Variants in PPP2R5E observed in about 807,000 individuals in gnomAD.
The protein encoded by PPP2R5E is serine/threonine-protein phosphatase 2A 56 kDa regulatory subunit epsilon isoform.
In PPP2R5E, 4 loss-of-function variants were observed where a neutral mutation model predicts 65.3. The ratio of observed to expected loss-of-function variants is 0.06; its 90% CI spans 0.03 to 0.14. The LOEUF (loss-of-function observed/expected upper bound fraction) is 0.14. Ranked by LOEUF, PPP2R5E falls within the 10% of genes least tolerant of loss-of-function variation. The probability of loss-of-function intolerance (pLI) is 1.00; values close to 1 mark genes in which losing one functional copy is unlikely to be tolerated. For missense variants in PPP2R5E, 274 were observed against 556.1 expected (o/e 0.49, Z 5.10); for synonymous variants, 183 against 187.4 (o/e 0.98, Z 0.19).
chr14:63,542,564 G>C (rs191478332), intron 1 of PPP2R5E, among the ~76,000 whole-genome samples: 4 of 152,296 alleles, frequency 2.6e-5, no homozygotes, highest in Non-Finnish European at 5.9e-5. Context: ...GGAGAAAAAG[G>C]GGGGAGGGGG....
intron 1 of PPP2R5E, among the ~76,000 whole-genome samples, chr14:63,540,615 C>G (rs557380524): frequency 6.7e-6 from 1 of 149,016 alleles, no homozygotes; most frequent in Non-Finnish European, 1.5e-5. Flanking sequence ...CCCAGCTACT[C>G]GGGAGGCTGA....
At chr14:63,448,928 T>G (rs1489158963) in intron 3 of PPP2R5E, among the ~76,000 whole-genome samples, 2 of 152,208 alleles carry the variant, frequency 1.3e-5, no homozygotes, top group Non-Finnish European at 2.9e-5. Flanking sequence ...AGACTTCATT[T>G]AATTGTTAAA....
intron 13 of PPP2R5E, among the ~76,000 whole-genome samples, chr14:63,381,660 T>C (rs1458272097): frequency 6.6e-6 from 1 of 152,178 alleles, no homozygotes; most frequent in Non-Finnish European, 1.5e-5. Context: ...AATAACAACA[T>C]TTCGGTCAAC....
intron 2 of PPP2R5E, among the ~76,000 whole-genome samples, chr14:63,488,266 T>C (rs1403392622): frequency 6.6e-6 from 1 of 151,998 alleles, no homozygotes; most frequent in East Asian, 1.9e-4. Flanking sequence ...GGCACAATCA[T>C]TGCTCACTGC....
At chr14:63,467,022 C>A (rs1343855123) in intron 2 of PPP2R5E, among the ~76,000 whole-genome samples, 5 of 151,932 alleles carry the variant, frequency 3.3e-5, no homozygotes, top group Non-Finnish European at 5.9e-5. Flanking sequence ...GTCAGGAGAT[C>A]GAGACCATCC....
At chr14:63,440,103 G>C (rs1320484681) in intron 3 of PPP2R5E, among the ~76,000 whole-genome samples, 1 of 152,162 alleles carries the variant, frequency 6.6e-6, no homozygotes, top group East Asian at 1.9e-4. Flanking sequence ...ACGGGCAGAG[G>C]AGCCTGATTT....
chr14:63,415,701 C>T (rs1886649689), intron 4 of PPP2R5E, among the ~76,000 whole-genome samples: 1 of 152,128 alleles, frequency 6.6e-6, no homozygotes, highest in Non-Finnish European at 1.5e-5. Context: ...AATATCTCAA[C>T]TATCATTCTT....
At chr14:63,399,556 T>C (rs1007927087) in intron 5 of PPP2R5E, among the ~76,000 whole-genome samples, 16 of 151,912 alleles carry the variant, frequency 1.1e-4, no homozygotes. Context: ...AATGATACTG[T>C]GGTGATGGTT....
chr14:63,396,101 GGCA>G, intron 6 of PPP2R5E, among the ~76,000 whole-genome samples: 1 of 47,258 alleles, frequency 2.1e-5, no homozygotes, highest in Non-Finnish European at 4.5e-5. Flanking sequence ...AGGGGGAGGG[GGCA>G]GGAGAGGAGG....
At chr14:63,381,533 C>T (rs926010027) in intron 13 of PPP2R5E, among the ~76,000 whole-genome samples, 13 of 27,042 alleles carry the variant, frequency 4.8e-4, no homozygotes, top group Non-Finnish European at 7.0e-4. Flanking sequence ...GGAAAGAAAG[C>T]GGGCTTTATC....
chr14:63,463,927 T>A (rs1435890379), intron 2 of PPP2R5E, among the ~76,000 whole-genome samples: 1 of 152,204 alleles, frequency 6.6e-6, no homozygotes, highest in African/African-American at 2.4e-5. Context: ...CAGAATGGTT[T>A]ATATTCAAGG....
chr14:63,425,896 AAAG>A (rs1360827309), intron 3 of PPP2R5E, among the ~76,000 whole-genome samples: 1 of 152,238 alleles, frequency 6.6e-6, no homozygotes, highest in Non-Finnish European at 1.5e-5. Flanking sequence ...AGTTACAGCA[AAAG>A]AAGGCCAAGT....
intron 2 of PPP2R5E, among the ~76,000 whole-genome samples, chr14:63,510,041 T>A (rs1429204149): frequency 6.6e-6 from 1 of 152,212 alleles, no homozygotes; most frequent in Non-Finnish European, 1.5e-5. Flanking sequence ...ATGTAAACCA[T>A]AAGCATACAA....
chr14:63,458,040 G>C (rs1186813225), intron 2 of PPP2R5E, among the ~76,000 whole-genome samples: 1 of 152,140 alleles, frequency 6.6e-6, no homozygotes, highest in Non-Finnish European at 1.5e-5. Context: ...ATAAGCAGGG[G>C]AAAATGACTA....
rs1201176841 is a variant in PPP2R5E at position 63,479,858 on chromosome 14, T to A, written c.158-25973A>T. ...ATCAAGATGGTCAAATATTGGAAAT[T>A]TCATCTGGTTCAACCTAAAAGAATG... On this transcript the variant is annotated intron_variant, in intron 2 of 13. Transcript: ENST00000337537. 2.0e-5 allele frequency among the ~76,000 whole-genome samples: 3 copies of A among 152,152 alleles called. No individual in the cohort carries two copies. The East Asian group carries it at 5.8e-4, about 29-fold the overall frequency.
At chr14:63,401,756 T>C (rs969941337) in intron 5 of PPP2R5E, among the ~76,000 whole-genome samples, 1 of 152,126 alleles carries the variant, frequency 6.6e-6, no homozygotes, top group Non-Finnish European at 1.5e-5. Flanking sequence ...TTCTCAAAGA[T>C]GGAAGTGGAT....
chr14:63,374,079 T>TA lies in PPP2R5E; in HGVS notation c.*1929dup, dbSNP rs1211236683. On this transcript the variant is annotated 3_prime_UTR_variant, in exon 14 of 14. Transcript: ENST00000337537. ...GGTGTTGCATATGACTTTTTTTTTT[T>TA]ACTGCTTTTTTTTTTCTTTTTGGAA... 2.6e-5 allele frequency: 4 copies of TA among 151,206 alleles called. No homozygotes were observed. Among genetic ancestry groups the TA allele is most frequent in the African/African-American group, 7.3e-5 (3 of 41,186 alleles). The allele number at this position is 151,206 out of a possible 1,614,324, so 9.4% of individuals were successfully genotyped here.
intron 2 of PPP2R5E, among the ~76,000 whole-genome samples, chr14:63,454,674 C>T (rs1889023764): frequency 6.6e-6 from 1 of 152,108 alleles, no homozygotes; most frequent in South Asian, 2.1e-4. Flanking sequence ...GTTGAAATTC[C>T]TCAGCTAGAA....
chr14:63,500,646 G>T (rs949791954), intron 2 of PPP2R5E, among the ~76,000 whole-genome samples: 1 of 152,142 alleles, frequency 6.6e-6, no homozygotes, highest in Non-Finnish European at 1.5e-5. Context: ...TTGAGGCCAA[G>T]AGTTTGAGAC....
Sources: allele counts gnomAD v4.1 joint callset (sites outside exome capture counted in the v4.1 genomes callset), GRCh38; gene constraint gnomAD v4.1.1; transcripts MANE v1.5; gene names NCBI Gene and HGNC (gene_info 2026-07-23, HGNC 2026-07-21).